The following CHN2 variants were observed in gnomAD, a reference collection of about 807,000 sequenced individuals.
The protein encoded by CHN2 is chimerin 2.
In CHN2, 35 loss-of-function variants were observed where a neutral mutation model predicts 56.3. The ratio of observed to expected loss-of-function variants is 0.62; its 90% CI spans 0.47 to 0.82. The LOEUF (loss-of-function observed/expected upper bound fraction) is 0.82, where lower values mean the gene tolerates loss of function less well. Ranked by LOEUF, CHN2 falls within the 40% of genes least tolerant of loss-of-function variation. The probability of loss-of-function intolerance (pLI) is 0.00; values close to 1 mark genes in which losing one functional copy is unlikely to be tolerated. For synonymous variants in CHN2, 210 were observed against 212.8 expected, an observed-to-expected ratio of 0.99 and a Z score of 0.12; for missense variants, 491 against 580.5, an observed-to-expected ratio of 0.85 and a Z score of 1.58.
At chr7:29,281,797 A>G (rs751806690) in intron 1 of CHN2, among the ~76,000 whole-genome samples, 60 of 152,322 alleles carry the variant, frequency 3.9e-4, no homozygotes, top group Admixed American at 9.1e-4. Flanking sequence ...GATATTTATC[A>G]GGGGTTGTTT....
At chr7:29,355,519 CTCTTT>C (rs1010810967) in intron 2 of CHN2, among the ~76,000 whole-genome samples, 1 of 152,062 alleles carries the variant, frequency 6.6e-6, no homozygotes, top group African/African-American at 2.4e-5. Flanking sequence ...GCCTTGTCTC[CTCTTT>C]TCTTAGTACT....
At chr7:29,465,926 G>A (rs766207109) in intron 6 of CHN2, among the ~76,000 whole-genome samples, 3 of 152,174 alleles carry the variant, frequency 2.0e-5, no homozygotes, top group Non-Finnish European at 2.9e-5. Flanking sequence ...ATTACAGGCC[G>A]AGCGCAGTGG....
At chr7:29,510,724 CTTTTACCGTG>C (rs766400282) in intron 12 of CHN2, among the ~76,000 whole-genome samples, 90 of 152,164 alleles carry the variant, frequency 5.9e-4, no homozygotes, top group Non-Finnish European at 8.5e-4. Context: ...CATCCTATTG[CTTTTACCGTG>C]TTTTATCTGT....
chr7:29,255,077 C>T (rs1267778177), intron 1 of CHN2, among the ~76,000 whole-genome samples: 31 of 152,124 alleles, frequency 2.0e-4, no homozygotes, highest in Admixed American at 2.0e-3. Flanking sequence ...ACACCAGGAG[C>T]CTGCCAGACA....
At chr7:29,487,834 C>G (rs960655142) in intron 7 of CHN2, among the ~76,000 whole-genome samples, 8 of 152,148 alleles carry the variant, frequency 5.3e-5, no homozygotes, top group Non-Finnish European at 1.2e-4. Context: ...GCCACCACAA[C>G]AAAGAGTTGT....
Position 29,211,164 on chromosome 7 carries a change from G to A in CHN2, c.49+16174G>A, listed in dbSNP as rs559249075. Among the ~76,000 whole-genome samples, 1,265 of 151,886 alleles carry A rather than the reference G, an allele frequency of 8.3e-3. 19 individuals are homozygous for A. Among genetic ancestry groups the A allele is most frequent in the African/African-American group, 0.029 (1,198 of 41,410 alleles). ...CGGCTCACTGCAAGCTCCGCCTCCC[G>A]GGTTCACGCCATTCTCCTGCCTCAG... On this transcript the variant is annotated intron_variant, in intron 1 of 12. Coordinates refer to ENST00000222792, the MANE Select transcript of CHN2 (RefSeq NM_004067.4).
intron 12 of CHN2, among the ~76,000 whole-genome samples, chr7:29,512,191 AC>A (rs60887780): frequency 0.17 from 26,151 of 150,194 alleles, 2,475 homozygotes; most frequent in Non-Finnish European, 0.2. Flanking sequence ...GAAAAAAAAA[AC>A]GCCTTCTGTA....
At chr7:29,278,211 T>C (rs998770022) in intron 1 of CHN2, among the ~76,000 whole-genome samples, 2 of 152,156 alleles carry the variant, frequency 1.3e-5, no homozygotes, top group Admixed American at 1.3e-4. Context: ...TAAAAAGTAC[T>C]TATGCCTGGG....
chr7:29,333,755 C>T (rs566145963), intron 1 of CHN2, among the ~76,000 whole-genome samples: 1 of 152,268 alleles, frequency 6.6e-6, no homozygotes, highest in Non-Finnish European at 1.5e-5. Flanking sequence ...TTATGCTCCA[C>T]CCTCACCCCA....
intron 6 of CHN2, among the ~76,000 whole-genome samples, chr7:29,408,196 A>AT (rs1273641316): frequency 2.7e-5 from 4 of 146,064 alleles, no homozygotes; most frequent in South Asian, 4.2e-4. Flanking sequence ...TATCAAAAAA[A>AT]AAAAATAAAT....
intron 1 of CHN2, among the ~76,000 whole-genome samples, chr7:29,252,770 T>G (rs1368586849): frequency 4.8e-5 from 6 of 125,918 alleles, no homozygotes; most frequent in Non-Finnish European, 9.3e-5. Flanking sequence ...TAATTTTTTG[T>G]ATTTTTAGTA....
intron 6 of CHN2, among the ~76,000 whole-genome samples, chr7:29,427,606 A>ATG (rs1237746789): frequency 3.0e-5 from 3 of 98,480 alleles, no homozygotes; most frequent in African/African-American, 1.6e-4. Context: ...GTTGCTACTC[A>ATG]TATATCTGTT....
At chr7:29,303,538 C>T (rs1342832176) in intron 1 of CHN2, among the ~76,000 whole-genome samples, 1 of 152,174 alleles carries the variant, frequency 6.6e-6, no homozygotes. Context: ...TCAGGATCTG[C>T]CTGGAGGTGG....
chr7:29,394,210 TC>T (rs1395178182), intron 4 of CHN2, among the ~76,000 whole-genome samples: 2 of 152,174 alleles, frequency 1.3e-5, no homozygotes, highest in African/African-American at 4.8e-5. Context: ...GCCTTAATAC[TC>T]CCCTTTCCAT....
chr7:29,284,637 A>G lies in CHN2; in HGVS notation c.50-69988A>G, dbSNP rs544041950. On this transcript the variant is annotated intron_variant, in intron 1 of 12. Coordinates refer to ENST00000222792, the MANE Select transcript of CHN2 (RefSeq NM_004067.4). Reference sequence around the variant, plus strand: ...CGAAGTGAATTCTGCTAACAACCACATGAGTTGAGAGGAGAATCCTGAGCT... The same window carrying G: ...CGAAGTGAATTCTGCTAACAACCACGTGAGTTGAGAGGAGAATCCTGAGCT... Among the ~76,000 whole-genome samples the G allele has an allele frequency of 7.2e-5, 11 of 152,280 alleles. No homozygotes were observed. In the South Asian group the frequency reaches 2.3e-3, roughly 32 times the overall value.
chr7:29,488,891 G>GTA (rs1351530141), intron 7 of CHN2, among the ~76,000 whole-genome samples: 1 of 152,188 alleles, frequency 6.6e-6, no homozygotes, highest in African/African-American at 2.4e-5. Flanking sequence ...AAATCATGAT[G>GTA]TATACTGGTA....
intron 3 of CHN2, among the ~76,000 whole-genome samples, chr7:29,372,341 G>A (rs1019206034): frequency 6.6e-6 from 1 of 152,028 alleles, no homozygotes; most frequent in African/African-American, 2.4e-5. Flanking sequence ...CGTAATAAGA[G>A]GCCCTTCCTA....
At chr7:29,474,445 G>A (rs571717867) in intron 6 of CHN2, among the ~76,000 whole-genome samples, 111 of 152,188 alleles carry the variant, frequency 7.3e-4, no homozygotes, top group South Asian at 2.7e-3. Flanking sequence ...ACTTTTCCCG[G>A]CTTTTGATCC....
rs544491153 is a variant in CHN2, at chr7:29,367,226, T to C, written c.89-706T>C. ...AATCACAAATAATTGTCTGATAGAT[T>C]GCTTTATATACAATGACCTGCCTTC... On this transcript the variant is annotated intron_variant, in intron 2 of 12. Coordinates refer to ENST00000222792, the MANE Select transcript of CHN2 (RefSeq NM_004067.4). 4.2e-4 allele frequency among the ~76,000 whole-genome samples: 64 copies of C among 152,174 alleles called. 1 individual carries two copies. Among genetic ancestry groups the C allele is most frequent in the Non-Finnish European group, 6.3e-4 (43 of 68,034 alleles).
Sources: allele counts gnomAD v4.1 joint callset (sites outside exome capture counted in the v4.1 genomes callset), GRCh38; gene constraint gnomAD v4.1.1; transcripts MANE v1.5; gene names NCBI Gene and HGNC (gene_info 2026-07-23, HGNC 2026-07-21).